LCOR: variants seen among roughly 807,000 people sequenced by gnomAD.
LCOR encodes the protein ligand-dependent corepressor.
LCOR carries 14 observed loss-of-function variants against 64.4 expected under a neutral mutation model. That is an observed-to-expected ratio of 0.22 (90% CI 0.14 to 0.34). The LOEUF (loss-of-function observed/expected upper bound fraction) is 0.34. Ranked by LOEUF, LCOR falls within the 10% of genes least tolerant of loss-of-function variation. LCOR has a pLI of 1.00. For synonymous variants in LCOR, 643 were observed against 642.5 expected, an observed-to-expected ratio of 1.00 and a Z score of -0.01; for missense variants, 1,686 against 1,765.3, an observed-to-expected ratio of 0.96 and a Z score of 0.80.
chr10:96,955,490 A>G, intron 7 of LCOR: 1 of 1,614,154 alleles, frequency 6.2e-7, no homozygotes, highest in Non-Finnish European at 8.5e-7. Flanking sequence ...CGCTTAGTAA[A>G]AAATTAAGGG....
At chr10:96,935,103 GTTTC>G (rs1423332325) in intron 4 of LCOR, among the ~76,000 whole-genome samples, 6 of 129,798 alleles carry the variant, frequency 4.6e-5, no homozygotes, top group Non-Finnish European at 1.0e-4. Flanking sequence ...ACATGAATTG[GTTTC>G]TTTAACTTTT....
At chr10:96,859,233 G>T (rs1474217473) in intron 2 of LCOR, among the ~76,000 whole-genome samples, 2 of 152,126 alleles carry the variant, frequency 1.3e-5, no homozygotes, top group Non-Finnish European at 2.9e-5. Flanking sequence ...TGGTAAAGAT[G>T]GTCAGTGGCA....
intron 2 of LCOR, among the ~76,000 whole-genome samples, chr10:96,839,718 C>T (rs1222773163): frequency 6.6e-6 from 1 of 151,670 alleles, no homozygotes; most frequent in Non-Finnish European, 1.5e-5. Flanking sequence ...CGAAGTCTGG[C>T]TCTGTTGCCC....
At chr10:96,944,089 C>T in intron 4 of LCOR, 24 bp from the exon 5 acceptor site, 1 of 985,408 alleles carries the variant, frequency 1.0e-6, no homozygotes. Context: ...GTGTGTGCAA[C>T]TATTTCACCA....
chr10:96,931,173 G>A (rs1847252499), intron 4 of LCOR, among the ~76,000 whole-genome samples: 2 of 151,168 alleles, frequency 1.3e-5, no homozygotes, highest in East Asian at 3.9e-4. Context: ...AGCCCATTTA[G>A]TATTGTATTT....
At chr10:96,873,870 G>A (rs1289298825) in intron 2 of LCOR, among the ~76,000 whole-genome samples, 1 of 151,948 alleles carries the variant, frequency 6.6e-6, no homozygotes, top group Non-Finnish European at 1.5e-5. Context: ...TTAAAATATT[G>A]TATTCTTCTA....
chr10:96,943,769 T>C (rs1303693476), intron 4 of LCOR, among the ~76,000 whole-genome samples: 4 of 151,326 alleles, frequency 2.6e-5, no homozygotes, highest in Non-Finnish European at 1.5e-5. Context: ...AAAAAAGCCT[T>C]CTGTCTGAAT....
At chr10:96,928,317 T>C (rs1847202098) in intron 4 of LCOR, among the ~76,000 whole-genome samples, 1 of 152,212 alleles carries the variant, frequency 6.6e-6, no homozygotes. Flanking sequence ...TTTGTTGTTA[T>C]TTCAACAATG....
intron 2 of LCOR, among the ~76,000 whole-genome samples, chr10:96,849,818 G>A (rs1380256332): frequency 6.7e-6 from 1 of 149,584 alleles, no homozygotes; most frequent in Non-Finnish European, 1.5e-5. Flanking sequence ...GGATCCCCAT[G>A]ATGCCCCATG....
Position 96,982,227 on chromosome 10 carries a change from A to G in LCOR, c.1767A>G (p.Gln589=), listed in dbSNP as rs144405307. The change falls in exon 8 of 8, where the codon CAA becomes CAG. Residue 589 remains glutamine (Q), a synonymous_variant. Coordinates refer to ENST00000421806, the MANE Select transcript of LCOR (RefSeq NM_001346516.2). ...ACGTTTCACCTCGAAAAGAACCTCA[A>G]GAGCCTGAGGTTTGCCCCACAAAGA... ...GGDVSPRKEP[Q]EPEVCPTKIK... 309 of 1,614,208 alleles carry G rather than the reference A, an allele frequency of 1.9e-4. No individual in the cohort carries two copies. Among genetic ancestry groups the G allele is most frequent in the Middle Eastern group, 3.3e-4 (2 of 6,062 alleles).
intron 2 of LCOR, among the ~76,000 whole-genome samples, chr10:96,865,523 T>TGTAC: frequency 6.8e-6 from 1 of 148,072 alleles, no homozygotes; most frequent in African/African-American, 2.6e-5. Flanking sequence ...GCAATTAAAA[T>TGTAC]GTACAGTAGT....
chr10:96,933,605 C>T (rs1219838082), intron 4 of LCOR, among the ~76,000 whole-genome samples: 1 of 152,140 alleles, frequency 6.6e-6, no homozygotes, highest in East Asian at 1.9e-4. Flanking sequence ...ACTCAACCTC[C>T]GTCTCCTGGG....
intron 5 of LCOR, 21 bp from the exon 6 acceptor site, chr10:96,948,987 T>G (rs1020825759): frequency 6.5e-7 from 1 of 1,546,976 alleles, no homozygotes; most frequent in African/African-American, 1.4e-5. Context: ...ACTTTAAAAG[T>G]AAATAAATCT....
chr10:96,907,376 C>A, intron 3 of LCOR, 46 bp downstream of exon 3: 1 of 645,454 alleles, frequency 1.5e-6, no homozygotes, highest in Non-Finnish European at 1.9e-6. Context: ...TGGTGCCATA[C>A]ATGATACGTT....
intron 4 of LCOR, among the ~76,000 whole-genome samples, chr10:96,939,958 G>A (rs1356805570): frequency 1.3e-5 from 2 of 152,166 alleles, no homozygotes; most frequent in South Asian, 2.1e-4. Context: ...GTGAGACTCC[G>A]TCTCAAAAAT....
chr10:96,924,218 AT>A (rs1157385701), intron 4 of LCOR, among the ~76,000 whole-genome samples: 1 of 152,060 alleles, frequency 6.6e-6, no homozygotes, highest in African/African-American at 2.4e-5. Flanking sequence ...CCTTACTTTT[AT>A]TTTGAGACAG....
intron 4 of LCOR, among the ~76,000 whole-genome samples, chr10:96,911,804 ATATT>A (rs1357915592): frequency 1.3e-5 from 2 of 152,238 alleles, no homozygotes; most frequent in Non-Finnish European, 2.9e-5. Flanking sequence ...GCACTCTAAA[ATATT>A]TATTAAATGA....
intron 2 of LCOR, among the ~76,000 whole-genome samples, chr10:96,877,251 C>T (rs532623942): frequency 3.9e-5 from 6 of 152,096 alleles, no homozygotes; most frequent in South Asian, 2.1e-4. Flanking sequence ...AGGCCAGGTG[C>T]GGTGGCTCAT....
At chr10:96,906,906 T>G (rs1431683633) in intron 2 of LCOR, among the ~76,000 whole-genome samples, 2 of 152,224 alleles carry the variant, frequency 1.3e-5, no homozygotes. Flanking sequence ...TTGTGGAAAT[T>G]TTGAAGCAGT....
Sources: allele counts gnomAD v4.1 joint callset (sites outside exome capture counted in the v4.1 genomes callset), GRCh38; gene constraint gnomAD v4.1.1; transcripts MANE v1.5; gene names NCBI Gene and HGNC (gene_info 2026-07-23, HGNC 2026-07-21).